Variants in LIMCH1 observed in about 807,000 individuals in gnomAD.
LIMCH1 encodes the protein LIM and calponin homology domains 1.
Under a neutral mutation model 176.5 loss-of-function variants are expected in LIMCH1, and 113 were observed. The ratio of observed to expected loss-of-function variants is 0.64; its 90% confidence interval spans 0.55 to 0.75. The LOEUF (loss-of-function observed/expected upper bound fraction) is 0.75. Among genes scored for constraint, LIMCH1 ranks in the 30% least tolerant of loss-of-function variants. The probability of loss-of-function intolerance (pLI) is 0.00; values close to 1 mark genes in which losing one functional copy is unlikely to be tolerated. For synonymous variants in LIMCH1, 619 were observed against 645.9 expected (o/e 0.96, Z 0.63); for missense variants, 1,674 against 1,814.9 (o/e 0.92, Z 1.41).
intron 1 of LIMCH1, among the ~76,000 whole-genome samples, chr4:41,471,112 T>C (rs144674653): frequency 0.015 from 2,313 of 150,978 alleles, 56 homozygotes; most frequent in African/African-American, 0.052. Context: ...AATCTTAAAA[T>C]AGTCATGTGA....
At chr4:41,432,843 C>T (rs1173640290) in intron 1 of LIMCH1, among the ~76,000 whole-genome samples, 2 of 152,150 alleles carry the variant, frequency 1.3e-5, no homozygotes, top group Non-Finnish European at 2.9e-5. Flanking sequence ...AATTCTTTTT[C>T]AAGTAGGCAG....
chr4:41,393,644 A>G (rs1398979372), intron 1 of LIMCH1, among the ~76,000 whole-genome samples: 1 of 152,242 alleles, frequency 6.6e-6, no homozygotes, highest in African/African-American at 2.4e-5. Context: ...ATAGAGCATT[A>G]TAGTTTCATT....
At chr4:41,593,244 A>T (rs1344595010) in intron 1 of LIMCH1, among the ~76,000 whole-genome samples, 1 of 152,266 alleles carries the variant, frequency 6.6e-6, no homozygotes, top group Non-Finnish European at 1.5e-5. Flanking sequence ...CCACTGGCCC[A>T]TGAACAAGGA....
chr4:41,366,854 A>G (rs2053079301), intron 1 of LIMCH1, among the ~76,000 whole-genome samples: 1 of 152,238 alleles, frequency 6.6e-6, no homozygotes, highest in Non-Finnish European at 1.5e-5. Flanking sequence ...GTTCATTTAC[A>G]TACTGCCATA....
intron 5 of LIMCH1, among the ~76,000 whole-genome samples, chr4:41,615,129 A>G (rs143420476): frequency 1.0e-3 from 157 of 152,324 alleles, no homozygotes; most frequent in Admixed American, 2.2e-3. Context: ...CAAGTTCACT[A>G]TCTAACTGAG....
chr4:41,573,779 G>A (rs1200781313), intron 1 of LIMCH1, among the ~76,000 whole-genome samples: 3 of 152,084 alleles, frequency 2.0e-5, no homozygotes, highest in African/African-American at 7.2e-5. Context: ...ACATTTTTAA[G>A]GTTTTTGAGA....
At chr4:41,454,543 C>T (rs1271944589) in intron 1 of LIMCH1, among the ~76,000 whole-genome samples, 2 of 151,770 alleles carry the variant, frequency 1.3e-5, no homozygotes, top group Non-Finnish European at 2.9e-5. Flanking sequence ...GCCAGCTGTT[C>T]GTTCTGTGCT....
chr4:41,569,777 A>G (rs1328046701), intron 1 of LIMCH1, among the ~76,000 whole-genome samples: 1 of 152,222 alleles, frequency 6.6e-6, no homozygotes, highest in Non-Finnish European at 1.5e-5. Context: ...CAAAAATGCC[A>G]CTAAAAGCAG....
chr4:41,414,150 TG>T lies in LIMCH1; in HGVS notation c.96+53221del, dbSNP rs756403372. Reference sequence around the variant, plus strand: ...TCCTGTATTATTCATATTAACAGGATGGGGGGGCAGGAAGAGTGTGTGTGTG... The same window carrying T: ...TCCTGTATTATTCATATTAACAGGATGGGGGGCAGGAAGAGTGTGTGTGTG... On this transcript the variant is annotated intron_variant, in intron 1 of 26. Transcript: ENST00000313860. Among the ~76,000 whole-genome samples the T allele has an allele frequency of 7.9e-4, 120 of 152,058 alleles. 1 individual carries two copies. The highest frequency in any genetic ancestry group is 3.4e-3 in the Middle Eastern group (1 of 294).
At chr4:41,688,454 T>A (rs1722690939) in intron 29 of LIMCH1, among the ~76,000 whole-genome samples, 1 of 152,232 alleles carries the variant, frequency 6.6e-6, no homozygotes. Context: ...TTCTTTGATG[T>A]AGAAATTTCA....
intron 1 of LIMCH1, among the ~76,000 whole-genome samples, chr4:41,466,511 T>G (rs550361982): frequency 2.6e-5 from 4 of 152,328 alleles, no homozygotes; most frequent in South Asian, 4.1e-4. Flanking sequence ...TCCTGGGCCT[T>G]CCAAATTTAT....
chr4:41,388,911 G>A (rs539454490), intron 1 of LIMCH1, among the ~76,000 whole-genome samples: 7 of 152,320 alleles, frequency 4.6e-5, no homozygotes, highest in South Asian at 2.1e-4. Context: ...CCAAAGTGCT[G>A]GGATTACAGG....
At chr4:41,641,956 G>A (rs1313693338) in intron 14 of LIMCH1, among the ~76,000 whole-genome samples, 1 of 152,204 alleles carries the variant, frequency 6.6e-6, no homozygotes, top group Admixed American at 6.5e-5. Flanking sequence ...GTAGAGATGG[G>A]AACGCAGGAC....
chr4:41,566,096 A>G lies in LIMCH1; in HGVS notation c.-241+27746A>G, dbSNP rs921051770. On this transcript the variant is annotated intron_variant, in intron 1 of 31. Transcript: ENST00000503057. ...ATTCATCCCTGAACTCTTAACCACT[A>G]AAGTAGGCATCCCTAGTGGTGAAGA... is the stretch of plus-strand genomic sequence containing the variant. 2.0e-5 allele frequency among the ~76,000 whole-genome samples: 3 copies of G among 152,204 alleles called. No individual in the cohort carries two copies. In the South Asian group the frequency reaches 6.2e-4, roughly 31 times the overall value.
intron 2 of LIMCH1, among the ~76,000 whole-genome samples, chr4:41,501,579 T>G (rs990920219): frequency 6.6e-6 from 1 of 152,178 alleles, no homozygotes; most frequent in African/African-American, 2.4e-5. Flanking sequence ...GTTGCCTGTT[T>G]AGGGATAATT....
chr4:41,594,961 G>A (rs1322089517), intron 1 of LIMCH1, among the ~76,000 whole-genome samples: 2 of 152,136 alleles, frequency 1.3e-5, no homozygotes, highest in African/African-American at 2.4e-5. Flanking sequence ...TTTCCTCTGG[G>A]CAGAAAGCAC....
At chr4:41,501,754 C>G (rs890165878) in intron 2 of LIMCH1, among the ~76,000 whole-genome samples, 2 of 151,612 alleles carry the variant, frequency 1.3e-5, no homozygotes, top group Non-Finnish European at 2.9e-5. Context: ...AAATTAATTC[C>G]CTTGTCCACT....
rs527734587 is a variant in LIMCH1, at chr4:41,442,788, C to G, written c.97-51748C>G. 4.5e-4 allele frequency among the ~76,000 whole-genome samples: 69 copies of G among 152,320 alleles called. No individual in the cohort carries two copies. In the South Asian group the frequency reaches 0.013, roughly 28 times the overall value. ...TTTAAACTGCACACATCTCCTACCC[C>G]TTCCTCCCTCTATTGTATCACATGT... On this transcript the variant is annotated intron_variant, in intron 1 of 26. Coordinates refer to the LIMCH1 transcript ENST00000313860.
At position 41,612,874 on chromosome 4, in the gene LIMCH1, T is replaced by C. The variant is rs1043015403; in HGVS notation, c.10-592T>C. ...TTCTTTTTTTTTTTTTTTTTTTAAC[T>C]TTTGCCTCAGAAAGACAGCTCCCTT... On this transcript the variant is annotated intron_variant, in intron 4 of 31. Coordinates refer to ENST00000503057, the MANE Select transcript of LIMCH1 (RefSeq NM_001330672.2). 1.6e-5 allele frequency: 22 copies of C among 1,353,520 alleles called. No homozygotes were observed. In the African/African-American group the frequency reaches 2.7e-4, roughly 17 times the overall value. 83.8% of individuals were successfully genotyped at this position (1,353,520 alleles called of 1,614,324 possible). A position where few individuals can be genotyped will look rare whatever the true frequency, so the allele number is the denominator to read the frequency against.
Sources: allele counts gnomAD v4.1 joint callset (sites outside exome capture counted in the v4.1 genomes callset), GRCh38; gene constraint gnomAD v4.1.1; transcripts MANE v1.5; gene names NCBI Gene and HGNC (gene_info 2026-07-23, HGNC 2026-07-21).